The following WDTC1 variants were observed in gnomAD, a reference collection of about 807,000 sequenced individuals.
WDTC1 encodes the protein WD and tetratricopeptide repeats 1.
A neutral mutation model predicts 76.0 loss-of-function variants in WDTC1; 12 were observed. The ratio of observed to expected loss-of-function variants is 0.16; its 90% confidence interval spans 0.10 to 0.26. The LOEUF is 0.26. Among genes scored for constraint, WDTC1 ranks in the 10% least tolerant of loss-of-function variants. The pLI is 1.00. For synonymous variants in WDTC1, 326 were observed against 350.8 expected, an observed-to-expected ratio of 0.93 and a Z score of 0.79; for missense variants, 511 against 908.8, an observed-to-expected ratio of 0.56 and a Z score of 5.63.
Position 27,303,851 on chromosome 1 carries a change from G to A in WDTC1, c.1643+56G>A. ...CAGTTGGCAGCGGGAGGTTGAGTGGGGAGTGTTGGGGCATAATGGTTTCAG... is the reference window on the plus strand; with the variant it reads ...CAGTTGGCAGCGGGAGGTTGAGTGGAGAGTGTTGGGGCATAATGGTTTCAG... On this transcript the variant is annotated intron_variant, in intron 14 of 15. Coordinates refer to ENST00000319394, the MANE Select transcript of WDTC1 (RefSeq NM_001276252.2). The surrounding 1 kb of genome is among the most constrained non-coding windows in gnomAD (Gnocchi z 4.8). 1 of 1,598,030 alleles carries A rather than the reference G, an allele frequency of 6.3e-7. No individual in the cohort carries two copies. Among genetic ancestry groups the A allele is most frequent in the Non-Finnish European group, 8.5e-7 (1 of 1,170,640 alleles).
rs1244786583 is a variant in WDTC1 at position 27,287,799 on chromosome 1, C to T, written c.417C>T (p.Arg139=). 7 of 1,613,916 alleles carry T rather than the reference C, an allele frequency of 4.3e-6. No homozygotes were observed. The Admixed American group carries it at 1.0e-4, about 23-fold the overall frequency. Residue 139 remains arginine (R), a synonymous_variant, in exon 6 of 16, where the codon CGC becomes CGT. Coordinates refer to ENST00000319394, the MANE Select transcript of WDTC1 (RefSeq NM_001276252.2). ...GAGACCACACAAACCGGGTGAAGCG[C>T]ATCGCCACAGCGCCCATGTGGCCCA... ...MFGDHTNRVK[R]IATAPMWPNT...
Position 27,306,139 on chromosome 1 carries a change from C to G in WDTC1, c.1837-47C>G, listed in dbSNP as rs2013947870. Reference sequence around the variant, plus strand: ...CTCCCCTATACGTGTACCCTGGTGCCTCTCCCTCCCTGAGCCCCACGTGTG... The same window carrying G: ...CTCCCCTATACGTGTACCCTGGTGCGTCTCCCTCCCTGAGCCCCACGTGTG... On this transcript the variant is annotated intron_variant, in intron 15 of 15. Transcript: ENST00000319394. The surrounding 1 kb of genome is among the most constrained non-coding windows in gnomAD (Gnocchi z 5.0). 2 of 1,609,302 alleles carry G rather than the reference C, an allele frequency of 1.2e-6. No homozygotes were observed. Among genetic ancestry groups the G allele is most frequent in the South Asian group, 2.2e-5 (2 of 90,918 alleles).
intron 3 of WDTC1, among the ~76,000 whole-genome samples, chr1:27,275,424 C>T (rs536352865): frequency 6.6e-6 from 1 of 152,128 alleles, no homozygotes; most frequent in Non-Finnish European, 1.5e-5. Context: ...AAGATGCCAG[C>T]CTGGCCAACA....
intron 1 of WDTC1, among the ~76,000 whole-genome samples, chr1:27,246,796 A>T (rs1251872666): frequency 1.3e-5 from 2 of 150,740 alleles, no homozygotes; most frequent in South Asian, 4.2e-4. Context: ...TCCTGACCTC[A>T]GGTGATCTGC....
intron 1 of WDTC1, among the ~76,000 whole-genome samples, chr1:27,239,810 C>CA (rs532939885): frequency 0.049 from 2,957 of 60,336 alleles, 50 homozygotes; most frequent in South Asian, 0.075. Flanking sequence ...GACTCTGTCT[C>CA]AAAAAAAAAA....
In WDTC1 at chr1:27,271,895, C is replaced by G. The variant is rs552124146; in HGVS notation, c.132+8660C>G. Among the ~76,000 whole-genome samples the G allele has an allele frequency of 8.8e-3, 1,336 of 151,064 alleles. 23 individuals carry two copies. Among genetic ancestry groups the G allele is most frequent in the African/African-American group, 0.03 (1,249 of 41,310 alleles). ...CAGGTGATCCGCCCGCCTCAGCCTCCCAAAGTGCTGGGATTATAGGCGTAA... is the reference window on the plus strand; with the variant it reads ...CAGGTGATCCGCCCGCCTCAGCCTCGCAAAGTGCTGGGATTATAGGCGTAA... On this transcript the variant is annotated intron_variant, in intron 3 of 15. Transcript: ENST00000319394.
intron 10 of WDTC1, among the ~76,000 whole-genome samples, chr1:27,296,748 A>G (rs1464018603): frequency 1.3e-5 from 2 of 151,062 alleles, no homozygotes; most frequent in African/African-American, 2.4e-5. Context: ...TCCTCACTCC[A>G]TTCCCACCCC....
chr1:27,270,622 G>C (rs2012840200), intron 3 of WDTC1, among the ~76,000 whole-genome samples: 1 of 152,176 alleles, frequency 6.6e-6, no homozygotes, highest in Non-Finnish European at 1.5e-5. Flanking sequence ...GAGCCTGGGG[G>C]GACGTGGAGG....
chr1:27,303,800 G>A lies in WDTC1; in HGVS notation c.1643+5G>A. ...AGAGGCCAATTTCTTTGGCAGGTCC[G>A]AGGCCCTGAAGAGGAGGGTGCAGCC... On this transcript the variant is annotated splice_donor_5th_base_variant and intron_variant, in intron 14 of 15. Coordinates refer to ENST00000319394, the MANE Select transcript of WDTC1 (RefSeq NM_001276252.2). The surrounding 1 kb of genome is among the most constrained non-coding windows in gnomAD (Gnocchi z 4.8). The A allele has an allele frequency of 1.2e-6, 2 of 1,613,964 alleles. No individual in the cohort carries two copies. Among genetic ancestry groups the A allele is most frequent in the Non-Finnish European group, 1.7e-6 (2 of 1,179,924 alleles).
At chr1:27,248,273 T>C (rs903401164) in intron 1 of WDTC1, among the ~76,000 whole-genome samples, 15 of 152,216 alleles carry the variant, frequency 9.9e-5, no homozygotes, top group Admixed American at 9.8e-4. Flanking sequence ...CCACTAACAG[T>C]GTAAAAGTGT....
intron 6 of WDTC1, among the ~76,000 whole-genome samples, chr1:27,289,542 G>A (rs1327465825): frequency 6.6e-6 from 1 of 151,620 alleles, no homozygotes; most frequent in African/African-American, 2.4e-5. Context: ...CCCAGACGAT[G>A]GGCGGCCAGG....
intron 1 of WDTC1, among the ~76,000 whole-genome samples, chr1:27,240,985 C>A (rs201755798): frequency 0.015 from 1,375 of 89,486 alleles, 15 homozygotes; most frequent in African/African-American, 0.024. Context: ...AAAAAAAAAA[C>A]AAAAAAACTT....
chr1:27,261,455 G>C (rs1347059429), intron 2 of WDTC1, among the ~76,000 whole-genome samples: 1 of 152,198 alleles, frequency 6.6e-6, no homozygotes, highest in African/African-American at 2.4e-5. Flanking sequence ...CAGCTGCCAA[G>C]TTGTATATGT....
chr1:27,282,865 C>T (rs1227797812), intron 4 of WDTC1, among the ~76,000 whole-genome samples: 1 of 151,452 alleles, frequency 6.6e-6, no homozygotes, highest in Admixed American at 6.6e-5. Flanking sequence ...CTTGGCCGGG[C>T]GTAGTGGCTC....
Position 27,307,828 on chromosome 1 carries a change from C to A in WDTC1, c.*1445C>A, listed in dbSNP as rs371175499. On this transcript the variant is annotated 3_prime_UTR_variant, in exon 16 of 16. Coordinates refer to ENST00000319394, the MANE Select transcript of WDTC1 (RefSeq NM_001276252.2). This position sits in a 1 kb window ranked among gnomAD's most constrained non-coding sequence, Gnocchi z 4.1. Reference sequence around the variant, plus strand: ...TCTCCCCCTTCCTTCCCACCCCAGTCCCTCTTCCCACCCCTCTCTTCTAGC... The same window carrying A: ...TCTCCCCCTTCCTTCCCACCCCAGTACCTCTTCCCACCCCTCTCTTCTAGC... 2.7e-5 allele frequency: 4 copies of A among 147,292 alleles called. No individual in the cohort carries two copies. Among genetic ancestry groups the A allele is most frequent in the African/African-American group, 7.4e-5 (3 of 40,390 alleles). The allele number at this position is 147,292 out of a possible 1,614,324, so 9.1% of individuals were successfully genotyped here. A position where few individuals can be genotyped will look rare whatever the true frequency, so the allele number is the denominator to read the frequency against.
intron 1 of WDTC1, among the ~76,000 whole-genome samples, chr1:27,258,770 G>C (rs1308578259): frequency 6.6e-6 from 1 of 152,192 alleles, no homozygotes; most frequent in Non-Finnish European, 1.5e-5. Flanking sequence ...TTAAATGACA[G>C]AGGAAAGGAA....
At chr1:27,272,503 G>T (rs1011630424) in intron 3 of WDTC1, among the ~76,000 whole-genome samples, 1 of 152,220 alleles carries the variant, frequency 6.6e-6, no homozygotes, top group Non-Finnish European at 1.5e-5. Context: ...CAGTATTGCT[G>T]TAGCAATTCC....
At chr1:27,277,875 C>G (rs1443150248) in intron 3 of WDTC1, among the ~76,000 whole-genome samples, 3 of 152,218 alleles carry the variant, frequency 2.0e-5, no homozygotes, top group African/African-American at 7.2e-5. Context: ...GAGTCTCACT[C>G]TGTTGCCCAG....
rs1253716784 is a variant in WDTC1 at position 27,305,218 on chromosome 1, A to G, written c.1836+25A>G. On this transcript the variant is annotated intron_variant, in intron 15 of 15. Transcript: ENST00000319394. This position sits in a 1 kb window ranked among gnomAD's most constrained non-coding sequence, Gnocchi z 4.6. ...GGTGAGGGTGCAGAGCCAAGCAGAG[A>G]GGAGGGCAGGGACTCTGTGGAAGGC... 3 of 1,607,974 alleles carry G rather than the reference A, an allele frequency of 1.9e-6. No homozygotes were observed. The highest frequency in any genetic ancestry group is 2.5e-6 in the Non-Finnish European group (3 of 1,177,548).
Sources: allele counts gnomAD v4.1 joint callset (sites outside exome capture counted in the v4.1 genomes callset), GRCh38; gene constraint gnomAD v4.1.1; non-coding constraint Gnocchi (gnomAD v3.1); transcripts MANE v1.5; gene names NCBI Gene and HGNC (gene_info 2026-07-23, HGNC 2026-07-21).